VANGL2: variants seen among roughly 807,000 people sequenced by gnomAD.
The protein encoded by VANGL2 is VANGL planar cell polarity protein 2.
VANGL2 carries 14 observed loss-of-function variants against 50.2 expected under a neutral mutation model. That is an observed-to-expected ratio of 0.28 (90% confidence interval 0.18 to 0.44). The LOEUF (loss-of-function observed/expected upper bound fraction) is 0.44. Among genes scored for constraint, VANGL2 ranks in the 20% least tolerant of loss-of-function variants. The pLI is 1.00. For missense variants in VANGL2, 533 were observed against 701.5 expected (o/e 0.76, Z 2.71); for synonymous variants, 295 against 297.2 (o/e 0.99, Z 0.08).
intron 1 of VANGL2, among the ~76,000 whole-genome samples, chr1:160,404,607 T>C (rs1277091267): frequency 1.3e-5 from 2 of 152,194 alleles, no homozygotes; most frequent in Non-Finnish European, 2.9e-5. Context: ...ATTTGCATCC[T>C]GTCTCTATGG....
rs1003684591 is a variant in VANGL2, at chr1:160,419,959, C to T, written c.800+350C>T. Among the ~76,000 whole-genome samples the T allele has an allele frequency of 3.9e-5, 6 of 151,996 alleles. No individual in the cohort carries two copies. Among genetic ancestry groups the T allele is most frequent in the East Asian group, 1.9e-4 (1 of 5,190 alleles). ...CCCTTTTCTAGTCCTTTCTGGGAGG[C>T]GCAGCTTCTTGTGAGCACTCAGAGT... is the stretch of plus-strand genomic sequence containing the variant. On this transcript the variant is annotated intron_variant, in intron 4 of 7. Coordinates refer to ENST00000368061, the MANE Select transcript of VANGL2 (RefSeq NM_020335.3). This position sits in a 1 kb window ranked among gnomAD's most constrained non-coding sequence, Gnocchi z 5.8.
At chr1:160,421,245 A>G in intron 6 of VANGL2, 58 bp downstream of exon 6, 1 of 1,602,008 alleles carries the variant, frequency 6.2e-7, no homozygotes, top group Non-Finnish European at 8.5e-7. Flanking sequence ...GGGGAGAGGA[A>G]GACCAAGGAA....
chr1:160,403,368 C>T (rs16831949), intron 1 of VANGL2, among the ~76,000 whole-genome samples: 5,005 of 152,280 alleles, frequency 0.033, 274 homozygotes, highest in African/African-American at 0.11. Flanking sequence ...AATGCCATTT[C>T]TGAAAGTACT....
chr1:160,406,768 G>T (rs1421093617), intron 1 of VANGL2, among the ~76,000 whole-genome samples: 2 of 150,938 alleles, frequency 1.3e-5, no homozygotes, highest in African/African-American at 4.9e-5. Flanking sequence ...TTCGCTCGTT[G>T]ACTAGGCTGG....
chr1:160,412,241 G>A (rs1650905185), intron 1 of VANGL2, among the ~76,000 whole-genome samples: 1 of 151,994 alleles, frequency 6.6e-6, no homozygotes, highest in Non-Finnish European at 1.5e-5. Flanking sequence ...TCTGGCTGTT[G>A]GCTTTGGCAG....
chr1:160,408,425 G>A (rs1650762571), intron 1 of VANGL2, among the ~76,000 whole-genome samples: 1 of 152,192 alleles, frequency 6.6e-6, no homozygotes, highest in Non-Finnish European at 1.5e-5. Context: ...CTGCTTTTGA[G>A]GTAGAATGCA....
chr1:160,401,431 T>C (rs2101939684), intron 1 of VANGL2, among the ~76,000 whole-genome samples: 1 of 152,110 alleles, frequency 6.6e-6, no homozygotes. Flanking sequence ...GTAGACTGTG[T>C]ATAGGGGCCG....
intron 1 of VANGL2, 97 bp downstream of exon 1, chr1:160,400,966 A>C (rs1389666102): frequency 6.6e-6 from 1 of 152,256 alleles, no homozygotes; most frequent in Middle Eastern, 3.1e-3. Flanking sequence ...AAAATCATGC[A>C]AGGGGCCAGG....
intron 3 of VANGL2, among the ~76,000 whole-genome samples, chr1:160,416,414 G>A (rs765083605): frequency 1.7e-4 from 26 of 152,190 alleles, no homozygotes; most frequent in Non-Finnish European, 3.5e-4. Flanking sequence ...CTTATCTCCA[G>A]AGGAGTGGGG....
In VANGL2 at chr1:160,418,494, T is replaced by G. The variant is rs539373812; in HGVS notation, c.193-508T>G. ...TTAAAGGTTCACAAGCAGATTGCAC[T>G]CTCCAATAATTAGCATTATTTTCCA... is the stretch of plus-strand genomic sequence containing the variant. On this transcript the variant is annotated intron_variant, in intron 3 of 7. Coordinates refer to ENST00000368061, the MANE Select transcript of VANGL2 (RefSeq NM_020335.3). 2.6e-5 allele frequency among the ~76,000 whole-genome samples: 4 copies of G among 151,942 alleles called. No homozygotes were observed. The South Asian group carries it at 8.4e-4, about 32-fold the overall frequency.
In VANGL2 at chr1:160,420,544, G is replaced by A. The variant is rs1443189346; in HGVS notation, c.934G>A (p.Glu312Lys). 6.2e-7 allele frequency: 1 copy of A among 1,614,200 alleles called. No homozygotes were observed. The highest frequency in any genetic ancestry group is 1.7e-5 in the Admixed American group (1 of 60,034). Residue 312 changes from glutamate (E) to lysine (K), a missense_variant, in exon 5 of 8, where the codon GAG (glutamate) becomes AAG (lysine). By Grantham distance (56) the Glu-to-Lys change is moderately conservative. Transcript: ENST00000368061. ...VSGFKVYSLGEENSTNNSTGQ... is the reference protein window; with the variant it reads ...VSGFKVYSLGKENSTNNSTGQ... Reference sequence around the variant, plus strand: ...TGGCTTCAAGGTGTATTCCCTCGGAGAGGGTGAGCAGCCCTGCTCCTCTGC... The same window carrying A: ...TGGCTTCAAGGTGTATTCCCTCGGAAAGGGTGAGCAGCCCTGCTCCTCTGC...
At position 160,420,507 on chromosome 1, in the gene VANGL2, C is replaced by A. The variant is rs1482483376; in HGVS notation, c.897C>A (p.Ala299=). The change falls in exon 5 of 8, where the codon GCC becomes GCA. Residue 299 remains alanine (A), a synonymous_variant. Transcript: ENST00000368061. The stretch of plus-strand genomic sequence containing the variant: ...TCAACCTGCCCAAGTCCGTCCTGGC[C>A]AAGAAAGTGTCTGGCTTCAAGGTGT... ...ALLNLPKSVL[A]KKVSGFKVYS... is the part of the protein sequence containing the mutation. 6.2e-7 allele frequency: 1 copy of A among 1,614,164 alleles called. No homozygotes were observed. The highest frequency in any genetic ancestry group is 1.1e-5 in the South Asian group (1 of 91,084).
At chr1:160,410,408 G>A (rs1026383392) in intron 1 of VANGL2, among the ~76,000 whole-genome samples, 9 of 152,072 alleles carry the variant, frequency 5.9e-5, no homozygotes, top group African/African-American at 1.7e-4. Context: ...TCCCAGCCCC[G>A]TCTGCATCTA....
At chr1:160,410,481 C>T (rs1056000665) in intron 1 of VANGL2, among the ~76,000 whole-genome samples, 6 of 152,156 alleles carry the variant, frequency 3.9e-5, no homozygotes, top group Admixed American at 2.6e-4. Flanking sequence ...GGGGTGGGCC[C>T]GGGCTAGAGC....
intron 1 of VANGL2, among the ~76,000 whole-genome samples, chr1:160,414,248 C>T (rs1650980391): frequency 6.6e-6 from 1 of 152,242 alleles, no homozygotes; most frequent in Non-Finnish European, 1.5e-5. Flanking sequence ...TCAAGCTCTT[C>T]ACCTGGTGCC....
In VANGL2 at chr1:160,407,422, C is replaced by T. The variant is rs540784348; in HGVS notation, c.-191+6553C>T. On this transcript the variant is annotated intron_variant, in intron 1 of 7. Transcript: ENST00000368061. ...ACTGCATCTCACACCCTGAGGCCCA[C>T]TCTACCACTTTCCTACAATCCAGCC... 5.9e-5 allele frequency among the ~76,000 whole-genome samples: 9 copies of T among 152,300 alleles called. No homozygotes were observed. The South Asian group carries it at 1.9e-3, about 32-fold the overall frequency.
At chr1:160,401,901 G>T (rs1052346844) in intron 1 of VANGL2, among the ~76,000 whole-genome samples, 6 of 151,864 alleles carry the variant, frequency 4.0e-5, no homozygotes, top group African/African-American at 1.5e-4. Context: ...TGTGTTGATG[G>T]GTATCAATGT....
chr1:160,406,771 T>C (rs1650680084), intron 1 of VANGL2, among the ~76,000 whole-genome samples: 2 of 151,672 alleles, frequency 1.3e-5, no homozygotes, highest in African/African-American at 4.8e-5. Flanking sequence ...GCTCGTTGAC[T>C]AGGCTGGAGT....
intron 1 of VANGL2, among the ~76,000 whole-genome samples, chr1:160,413,552 C>G (rs773073022): frequency 6.6e-6 from 1 of 152,064 alleles, no homozygotes; most frequent in Non-Finnish European, 1.5e-5. Flanking sequence ...TGGGATTACC[C>G]GGCCCCATTT....
Sources: gnomAD v4.1 joint callset for allele counts (sites outside exome capture counted in the v4.1 genomes callset) on GRCh38, gnomAD v4.1.1 for gene constraint, Gnocchi (gnomAD v3.1) non-coding constraint, MANE v1.5 for transcripts, NCBI Gene and HGNC (gene_info 2026-07-23, HGNC 2026-07-21) for gene names.